Variants in PDGFD observed in about 807,000 individuals in gnomAD.
PDGFD encodes platelet-derived growth factor D.
PDGFD carries 30 observed loss-of-function variants against 44.7 expected under a neutral mutation model. The observed-to-expected ratio is 0.67, with a 90% CI of 0.50 to 0.91. The LOEUF (loss-of-function observed/expected upper bound fraction) is 0.91, where lower values mean the gene tolerates loss of function less well. Ranked by LOEUF, PDGFD falls within the 40% of genes least tolerant of loss-of-function variation. The pLI is 0.00. For synonymous variants in PDGFD, 173 were observed against 168.4 expected (o/e 1.03, Z -0.21); for missense variants, 445 against 457.8 (o/e 0.97, Z 0.25).
At chr11:104,078,115 A>C (rs1860993192) in intron 1 of PDGFD, among the ~76,000 whole-genome samples, 1 of 152,124 alleles carries the variant, frequency 6.6e-6, no homozygotes, top group Non-Finnish European at 1.5e-5. Context: ...CAAATGCCTC[A>C]TTCTCAGTGT....
intron 5 of PDGFD, among the ~76,000 whole-genome samples, chr11:103,928,619 C>G (rs1005337537): frequency 1.3e-5 from 2 of 152,206 alleles, no homozygotes; most frequent in Non-Finnish European, 2.9e-5. Context: ...AGGGATTTAT[C>G]CCCAATTGTC....
In PDGFD at chr11:103,930,551, GAAA is replaced by G. The variant is rs10534085; in HGVS notation, c.773-3428_773-3426del. Among the ~76,000 whole-genome samples the G allele has an allele frequency of 1.3e-4, 18 of 135,834 alleles. No individual in the cohort carries two copies. In the East Asian group the frequency reaches 1.5e-3, roughly 11 times the overall value. 89.1% of individuals were successfully genotyped at this position (135,834 alleles called of 152,430 possible). A position where few individuals can be genotyped will look rare whatever the true frequency, so the allele number is the denominator to read the frequency against. On this transcript the variant is annotated intron_variant, in intron 5 of 6. Coordinates refer to ENST00000393158, the MANE Select transcript of PDGFD (RefSeq NM_025208.5). ...GGAAACTGAGCCTTTCAAAAGTTAA[GAAA>G]AAAAAAAAAAAAACTTGTCCACAGC...
intron 3 of PDGFD, among the ~76,000 whole-genome samples, chr11:103,980,106 C>T (rs1859246158): frequency 1.3e-5 from 2 of 151,996 alleles, no homozygotes; most frequent in Non-Finnish European, 2.9e-5. Flanking sequence ...ATTAGTTATT[C>T]ATATTTCTTT....
chr11:103,938,786 T>C (rs1295531939), intron 5 of PDGFD, among the ~76,000 whole-genome samples: 1 of 152,360 alleles, frequency 6.6e-6, no homozygotes, highest in East Asian at 1.9e-4. Context: ...TAGCCAGTTT[T>C]CTCAGCACCA....
chr11:103,943,733 C>T (rs1454675368), intron 4 of PDGFD, 83 bp from the exon 5 acceptor site: 3 of 1,149,920 alleles, frequency 2.6e-6, no homozygotes, highest in East Asian at 2.5e-5. Context: ...ACGGAAGGAA[C>T]ATAAACAGGC....
chr11:104,145,167 G>A (rs1404612597), intron 1 of PDGFD, among the ~76,000 whole-genome samples: 1 of 152,176 alleles, frequency 6.6e-6, no homozygotes, highest in Non-Finnish European at 1.5e-5. Flanking sequence ...CGAGCAAGTG[G>A]TAGGGGCTGG....
intron 1 of PDGFD, among the ~76,000 whole-genome samples, chr11:104,157,226 G>A (rs929710170): frequency 6.6e-6 from 1 of 152,152 alleles, no homozygotes; most frequent in African/African-American, 2.4e-5. Flanking sequence ...AGGATTTGGG[G>A]ATTTGGGTTT....
rs111364318 is a variant in PDGFD at position 104,083,322 on chromosome 11, TG to T, written c.124+80481del. On this transcript the variant is annotated intron_variant, in intron 1 of 6. Transcript: ENST00000393158. ...GGTGGGAAAAAGCTAAAATGATATG[TG>T]GGAGCAATATTTTTAATATAAAGTT... Among the ~76,000 whole-genome samples, 714 of 152,226 alleles carry T rather than the reference TG, an allele frequency of 4.7e-3. 11 individuals are homozygous for T. Among genetic ancestry groups the T allele is most frequent in the African/African-American group, 0.016 (677 of 41,542 alleles).
Position 104,035,821 on chromosome 11 carries a change from C to T in PDGFD, c.125-35566G>A, listed in dbSNP as rs991018936. Among the ~76,000 whole-genome samples the T allele has an allele frequency of 3.3e-5, 5 of 152,246 alleles. 1 individual carries two copies. The highest frequency in any genetic ancestry group is 4.1e-4 in the South Asian group (2 of 4,822). ...TCCTTTGGAGTGAGACCACTTTGCA[C>T]CTGGAAGATGCTCATCCTTCAACAT... On this transcript the variant is annotated intron_variant, in intron 1 of 6. Transcript: ENST00000393158.
chr11:103,954,893 G>T (rs908599904), intron 3 of PDGFD, among the ~76,000 whole-genome samples: 1 of 151,984 alleles, frequency 6.6e-6, no homozygotes, highest in East Asian at 1.9e-4. Flanking sequence ...GGCCGGGCGC[G>T]GTGGCTCACG....
intron 1 of PDGFD, among the ~76,000 whole-genome samples, chr11:104,040,185 C>T (rs573537998): frequency 1.2e-3 from 185 of 152,154 alleles, no homozygotes; most frequent in Non-Finnish European, 2.2e-3. Flanking sequence ...CATTTTTAGA[C>T]TTCAGTAGGT....
At chr11:103,957,877 T>C (rs1858880961) in intron 3 of PDGFD, among the ~76,000 whole-genome samples, 2 of 152,166 alleles carry the variant, frequency 1.3e-5, no homozygotes, top group South Asian at 4.1e-4. Flanking sequence ...GTTAATAGCT[T>C]CCATGGTGTT....
intron 1 of PDGFD, among the ~76,000 whole-genome samples, chr11:104,096,585 T>C (rs2134441409): frequency 6.6e-6 from 1 of 152,302 alleles, no homozygotes; most frequent in African/African-American, 2.4e-5. Context: ...GATTTACAGG[T>C]TCTTTCATTC....
chr11:104,100,019 A>G (rs973012198), intron 1 of PDGFD, among the ~76,000 whole-genome samples: 7 of 152,192 alleles, frequency 4.6e-5, no homozygotes, highest in African/African-American at 1.7e-4. Flanking sequence ...ATACATGTTC[A>G]CAACTAATGA....
intron 1 of PDGFD, among the ~76,000 whole-genome samples, chr11:104,111,296 G>A (rs1477121095): frequency 1.4e-5 from 2 of 139,032 alleles, no homozygotes; most frequent in East Asian, 2.1e-4. Context: ...TTTCACTCTG[G>A]TCACCCAGGC....
intron 5 of PDGFD, among the ~76,000 whole-genome samples, chr11:103,939,470 T>C (rs1288597767): frequency 6.6e-6 from 1 of 151,984 alleles, no homozygotes; most frequent in East Asian, 1.9e-4. Context: ...GATGATGGGG[T>C]TTTCTAGATA....
chr11:104,155,074 C>T (rs1037083515), intron 1 of PDGFD, among the ~76,000 whole-genome samples: 2 of 152,204 alleles, frequency 1.3e-5, no homozygotes, highest in Non-Finnish European at 2.9e-5. Context: ...CCCTGTTCAC[C>T]TCCCTCTTGA....
At chr11:104,000,794 A>G (rs1207335107) in intron 1 of PDGFD, among the ~76,000 whole-genome samples, 1 of 152,178 alleles carries the variant, frequency 6.6e-6, no homozygotes, top group Non-Finnish European at 1.5e-5. Context: ...ACGAAAAATC[A>G]TAATTTTGTG....
chr11:103,919,734 C>G (rs886410184), intron 6 of PDGFD, among the ~76,000 whole-genome samples: 6 of 152,010 alleles, frequency 3.9e-5, no homozygotes, highest in African/African-American at 1.4e-4. Flanking sequence ...GTCTTGAACT[C>G]CTGACCTCAG....
Sources: allele counts gnomAD v4.1 joint callset (sites outside exome capture counted in the v4.1 genomes callset), GRCh38; gene constraint gnomAD v4.1.1; transcripts MANE v1.5; gene names NCBI Gene and HGNC (gene_info 2026-07-23, HGNC 2026-07-21).